The following FRY variants were observed in gnomAD, a reference collection of about 807,000 sequenced individuals.
FRY encodes the protein protein furry homolog.
In FRY, 128 loss-of-function variants were observed where a neutral mutation model predicts 348.4. The observed-to-expected ratio is 0.37, with a 90% CI of 0.32 to 0.43. The LOEUF (loss-of-function observed/expected upper bound fraction) is 0.43. Ranked by LOEUF, FRY falls within the 20% of genes least tolerant of loss-of-function variation. The pLI is 1.00. For synonymous variants in FRY, 1,370 were observed against 1,374.7 expected (o/e 1.00, Z 0.08); for missense variants, 2,736 against 3,695.2 (o/e 0.74, Z 6.73).
At chr13:32,261,201 T>C (rs1469381540) in intron 51 of FRY, among the ~76,000 whole-genome samples, 2 of 152,194 alleles carry the variant, frequency 1.3e-5, no homozygotes, top group Non-Finnish European at 2.9e-5. Flanking sequence ...TAGCTCCTAC[T>C]TTTTTCTCCT....
intron 1 of FRY, among the ~76,000 whole-genome samples, chr13:32,043,356 A>G (rs1358255909): frequency 6.6e-6 from 1 of 152,168 alleles, no homozygotes; most frequent in African/African-American, 2.4e-5. Context: ...TTAGAAACTC[A>G]ACATCTGTTG....
At chr13:32,170,951 T>G (rs889195378) in intron 17 of FRY, 61 bp from the exon 18 acceptor site, 1 of 1,189,992 alleles carries the variant, frequency 8.4e-7, no homozygotes, top group African/African-American at 1.5e-5. Flanking sequence ...TTAATCCTTG[T>G]TAGCTCTAGA....
chr13:32,134,789 A>G (rs1879594724), intron 8 of FRY, 115 bp from the exon 9 acceptor site: 6 of 781,576 alleles, frequency 7.7e-6, no homozygotes, highest in African/African-American at 5.1e-5. Flanking sequence ...ACTATGGAAT[A>G]TGCTCTGTTG....
At chr13:32,203,356 A>T (rs1884155441) in intron 31 of FRY, among the ~76,000 whole-genome samples, 1 of 152,202 alleles carries the variant, frequency 6.6e-6, no homozygotes. Flanking sequence ...AGTTTTTGTG[A>T]ATTTGGCTTT....
intron 19 of FRY, 127 bp downstream of exon 19, chr13:32,173,676 G>A (rs530794228): frequency 2.6e-6 from 2 of 767,230 alleles, no homozygotes; most frequent in African/African-American, 1.7e-5. Context: ...TTCATTCATT[G>A]TTAGGTTTTA....
chr13:32,137,361 A>G (rs1160104381), intron 11 of FRY, among the ~76,000 whole-genome samples: 2 of 152,150 alleles, frequency 1.3e-5, no homozygotes, highest in Non-Finnish European at 1.5e-5. Context: ...TCCTTTCTCT[A>G]TCCCCTCCAG....
Position 32,124,635 on chromosome 13 carries a change from C to T in FRY, c.589C>T (p.His197Tyr). Residue 197 changes from histidine to tyrosine, a missense_variant, in exon 6 of 61, where the codon CAT becomes TAT. By Grantham distance (83) the His-to-Tyr change is moderately conservative. This residue lies in a region of FRY where 309 missense variants were observed against 418.1 expected (regional missense o/e 0.74). Coordinates refer to ENST00000542859, the MANE Select transcript of FRY (RefSeq NM_023037.3). ...TCATCCTGTAATAGACAGTTTAATA[C>T]ATGATGTTATTAACTTGGCTTTCAA... Reference protein sequence around the residue: ...PLHPVIDSLIHDVINLAFKHF... With the variant: ...PLHPVIDSLIYDVINLAFKHF... 6.3e-7 allele frequency: 1 copy of T among 1,595,930 alleles called. No individual in the cohort carries two copies. The highest frequency in any genetic ancestry group is 1.1e-5 in the South Asian group (1 of 90,722).
At chr13:32,179,435 G>A (rs1489277568) in intron 22 of FRY, among the ~76,000 whole-genome samples, 3 of 150,718 alleles carry the variant, frequency 2.0e-5, no homozygotes, top group East Asian at 1.9e-4. Context: ...AAAGAAGACC[G>A]TTATAAAAAA....
intron 58 of FRY, among the ~76,000 whole-genome samples, chr13:32,279,532 T>C (rs1444478543): frequency 2.0e-5 from 3 of 152,178 alleles, no homozygotes; most frequent in Non-Finnish European, 2.9e-5. Flanking sequence ...GATGATTAGA[T>C]CAAGGCTCTC....
rs745891495 is a variant in FRY at position 32,267,263 on chromosome 13, C to T, written c.8040C>T (p.Ala2680=). 8 of 1,614,010 alleles carry T rather than the reference C, an allele frequency of 5.0e-6. No individual in the cohort carries two copies. Among genetic ancestry groups the T allele is most frequent in the East Asian group, 4.5e-5 (2 of 44,896 alleles). The change falls in exon 55 of 61, where the codon GCC becomes GCT. Residue 2680 remains alanine, a synonymous_variant. Transcript: ENST00000542859. ...AAFQPAACDD[A]EEAWRSHINQ... ...TTCAGCCCGCAGCCTGTGACGATGC[C>T]GAGGAGGCCTGGCGCAGCCACATCA...
chr13:32,087,333 C>T (rs1027502498), intron 2 of FRY, among the ~76,000 whole-genome samples: 7 of 152,212 alleles, frequency 4.6e-5, no homozygotes, highest in African/African-American at 1.7e-4. Context: ...ACGTTGTTGA[C>T]ATACCTTTGT....
intron 13 of FRY, among the ~76,000 whole-genome samples, 165 bp from the exon 14 acceptor site, chr13:32,149,583 G>C (rs1880673238): frequency 1.3e-5 from 2 of 152,084 alleles, no homozygotes. Context: ...CCTCGGTTCA[G>C]ATGGGCATGG....
At chr13:32,211,742 A>G (rs143030752) in intron 34 of FRY, among the ~76,000 whole-genome samples, 1 of 152,270 alleles carries the variant, frequency 6.6e-6, no homozygotes, top group East Asian at 1.9e-4. Flanking sequence ...CATGAAATAT[A>G]TGCCATCCTC....
intron 53 of FRY, among the ~76,000 whole-genome samples, chr13:32,263,916 A>T (rs1887796178): frequency 6.6e-6 from 1 of 152,196 alleles, no homozygotes; most frequent in South Asian, 2.1e-4. Flanking sequence ...GCTGAGGCAG[A>T]GAATTGCTTG....
chr13:32,074,078 T>A (rs1210176677), intron 1 of FRY, among the ~76,000 whole-genome samples: 4 of 152,162 alleles, frequency 2.6e-5, no homozygotes, highest in Admixed American at 6.6e-5. Context: ...AGATCATCAG[T>A]CTGAATAGAT....
chr13:32,057,403 C>G (rs1320831541), intron 1 of FRY, among the ~76,000 whole-genome samples: 1 of 152,046 alleles, frequency 6.6e-6, no homozygotes, highest in East Asian at 1.9e-4. Context: ...AACTCCTGAC[C>G]TCAGGTGATC....
At chr13:32,087,129 TAC>T (rs1875927213) in intron 2 of FRY, among the ~76,000 whole-genome samples, 1 of 152,320 alleles carries the variant, frequency 6.6e-6, no homozygotes, top group African/African-American at 2.4e-5. Context: ...TTTCTTGGGG[TAC>T]ACAGTCTGAA....
rs548044438 is a variant in FRY at position 32,163,106 on chromosome 13, G to A, written c.1892+1855G>A. Among the ~76,000 whole-genome samples the A allele has an allele frequency of 3.3e-5, 5 of 152,308 alleles. 1 individual carries two copies. The South Asian group carries it at 1.0e-3, about 32-fold the overall frequency. ...GACTGAGAATAAAGAAAAGCTGTGA[G>A]ACAAGGGCTAGAGCTACTGAAAACA... On this transcript the variant is annotated intron_variant, in intron 17 of 60. Transcript: ENST00000542859.
chr13:32,229,400 T>G (rs1327171399), intron 40 of FRY, among the ~76,000 whole-genome samples: 1 of 152,216 alleles, frequency 6.6e-6, no homozygotes, highest in Non-Finnish European at 1.5e-5. Flanking sequence ...GTGATCTTGC[T>G]TTCTTCAGCT....
Sources: gnomAD v4.1 joint callset for allele counts (sites outside exome capture counted in the v4.1 genomes callset) on GRCh38, gnomAD v4.1.1 for gene constraint, gnomAD v4.1.1 regional missense constraint, MANE v1.5 for transcripts, NCBI Gene and HGNC (gene_info 2026-07-23, HGNC 2026-07-21) for gene names.